Variants in TERF1 observed in about 807,000 individuals in gnomAD.
TERF1 encodes telomeric repeat binding factor 1, also known as telomeric repeat-binding factor 1.
Under a neutral mutation model 55.1 loss-of-function variants are expected in TERF1, and 20 were observed. The observed-to-expected ratio is 0.36, with a 90% CI of 0.26 to 0.53. The LOEUF (loss-of-function observed/expected upper bound fraction) is 0.53, where lower values mean the gene tolerates loss of function less well. Among genes scored for constraint, TERF1 ranks in the 20% least tolerant of loss-of-function variants. The pLI, the probability that TERF1 is intolerant of heterozygous loss-of-function variation, is 0.91. For synonymous variants in TERF1, 168 were observed against 181.2 expected (o/e 0.93, Z 0.59); for missense variants, 439 against 535.7 (o/e 0.82, Z 1.78).
intron 4 of TERF1, among the ~76,000 whole-genome samples, chr8:73,022,781 C>T (rs956736133): frequency 6.6e-6 from 1 of 151,834 alleles, no homozygotes; most frequent in African/African-American, 2.4e-5. Context: ...ACCCTGTTCT[C>T]TACAAAAAAA....
At chr8:73,042,707 G>A (rs947669006) in intron 9 of TERF1, among the ~76,000 whole-genome samples, 2 of 152,118 alleles carry the variant, frequency 1.3e-5, no homozygotes, top group African/African-American at 4.8e-5. Context: ...GCATTAAAAA[G>A]CATTATTTGT....
intron 8 of TERF1, among the ~76,000 whole-genome samples, chr8:73,037,008 GTAATA>G (rs199831004): frequency 0.025 from 3,358 of 135,472 alleles, 153 homozygotes; most frequent in African/African-American, 0.086. Context: ...TGGTTTATAT[GTAATA>G]TAATATATAA....
intron 8 of TERF1, 23 bp downstream of exon 8, chr8:73,032,156 T>C: frequency 1.3e-6 from 2 of 1,539,404 alleles, no homozygotes; most frequent in Non-Finnish European, 1.8e-6. Flanking sequence ...ATAACAGTTT[T>C]AGAAGGGGAG....
intron 8 of TERF1, among the ~76,000 whole-genome samples, chr8:73,037,798 T>C (rs1809643111): frequency 2.1e-5 from 2 of 93,298 alleles, no homozygotes; most frequent in Non-Finnish European, 3.7e-5. Flanking sequence ...ATATATAGTA[T>C]AATAATATAT....
intron 9 of TERF1, chr8:73,043,437 A>G (rs1025205830): frequency 3.3e-5 from 5 of 152,184 alleles, no homozygotes; most frequent in Non-Finnish European, 5.9e-5. Flanking sequence ...ACTTTCCTCT[A>G]GGTTAGGGGT....
At chr8:73,035,446 T>C (rs1342909138) in intron 8 of TERF1, among the ~76,000 whole-genome samples, 1 of 152,130 alleles carries the variant, frequency 6.6e-6, no homozygotes, top group African/African-American at 2.4e-5. Context: ...AGATTTGTTT[T>C]ATGGCCCACA....
intron 1 of TERF1, chr8:73,011,618 C>CT (rs1379396124): frequency 6.6e-6 from 1 of 152,250 alleles, no homozygotes; most frequent in Non-Finnish European, 1.5e-5. Context: ...TAGATCTTCT[C>CT]AATAACTTGT....
chr8:73,036,573 G>T (rs1414468110), intron 8 of TERF1, among the ~76,000 whole-genome samples: 5 of 151,648 alleles, frequency 3.3e-5, no homozygotes, highest in African/African-American at 4.8e-5. Flanking sequence ...GGTTTTCACA[G>T]GGTATTGGTT....
chr8:73,035,472 G>T (rs1276685564), intron 8 of TERF1, among the ~76,000 whole-genome samples: 1 of 150,434 alleles, frequency 6.6e-6, no homozygotes, highest in Non-Finnish European at 1.5e-5. Context: ...GTTTATTTTG[G>T]TCCATTTGGA....
intron 2 of TERF1, among the ~76,000 whole-genome samples, chr8:73,014,223 G>A (rs55877802): frequency 1.8e-5 from 2 of 110,288 alleles, no homozygotes; most frequent in African/African-American, 7.6e-5. Flanking sequence ...GCCTGCTCCA[G>A]AATTACTTAA....
At chr8:73,018,536 C>A (rs766890382) in intron 2 of TERF1, among the ~76,000 whole-genome samples, 1 of 152,060 alleles carries the variant, frequency 6.6e-6, no homozygotes, top group Non-Finnish European at 1.5e-5. Context: ...ATTAGCCTGG[C>A]GTGGTGGTGG....
At position 73,043,530 on chromosome 8, in the gene TERF1, C is replaced by G. The variant is rs567075648; in HGVS notation, c.1144-2431C>G. 5.9e-5 allele frequency among the ~76,000 whole-genome samples: 9 copies of G among 152,060 alleles called. No homozygotes were observed. The South Asian group carries it at 1.9e-3, about 32-fold the overall frequency. On this transcript the variant is annotated intron_variant, in intron 9 of 9. Transcript: ENST00000276603. ...TATGTATATTTCACATACATAGTTT[C>G]TGTTACATATTTTAAATATATTTTT...
chr8:73,012,984 A>C (rs1808345355), intron 1 of TERF1: 1 of 455,254 alleles, frequency 2.2e-6, no homozygotes, highest in Non-Finnish European at 4.4e-6. Context: ...GTGCTCTCTT[A>C]AAATCCTGTT....
intron 8 of TERF1, among the ~76,000 whole-genome samples, chr8:73,034,710 TTAA>T (rs563977799): frequency 9.9e-4 from 150 of 152,244 alleles, no homozygotes; most frequent in African/African-American, 3.3e-3. Context: ...AGTGAAATTA[TTAA>T]TATTTGAGTT....
At chr8:73,019,809 T>G (rs1401356258) in intron 2 of TERF1, among the ~76,000 whole-genome samples, 1 of 152,236 alleles carries the variant, frequency 6.6e-6, no homozygotes, top group Non-Finnish European at 1.5e-5. Context: ...CATTACGCTG[T>G]TCTCAGCTCC....
At chr8:73,031,769 C>CT (rs1297325646) in intron 7 of TERF1, 1 of 252,042 alleles carries the variant, frequency 4.0e-6, no homozygotes, top group Non-Finnish European at 7.5e-6. Flanking sequence ...CCGAAAGAGT[C>CT]TTGTCTTTTC....
intron 9 of TERF1, among the ~76,000 whole-genome samples, chr8:73,039,770 G>GGTGTGTGTGTGTGTGT (rs35184446): frequency 3.1e-4 from 42 of 136,454 alleles, no homozygotes; most frequent in African/African-American, 9.3e-4. Flanking sequence ...TTGTTTTTGT[G>GGTGTGTGTGTGTGTGT]GTGTGTGTGT....
At chr8:73,012,604 C>G (rs574393485) in intron 1 of TERF1, 1 of 165,294 alleles carries the variant, frequency 6.0e-6, no homozygotes, top group African/African-American at 2.4e-5. Context: ...ACCTGGGAGG[C>G]GGAGCTTGCA....
chr8:73,044,298 AG>A (rs1383548383), intron 9 of TERF1, among the ~76,000 whole-genome samples: 1 of 152,218 alleles, frequency 6.6e-6, no homozygotes, highest in Non-Finnish European at 1.5e-5. Flanking sequence ...CGTACAGAAG[AG>A]ACCAGGTTCG....
Sources: gnomAD v4.1 joint callset for allele counts (sites outside exome capture counted in the v4.1 genomes callset) on GRCh38, gnomAD v4.1.1 for gene constraint, MANE v1.5 for transcripts, NCBI Gene and HGNC (gene_info 2026-07-23, HGNC 2026-07-21) for gene names.